The following ZC3H3 variants were observed in gnomAD, a reference collection of about 807,000 sequenced individuals.
The protein encoded by ZC3H3 is zinc finger CCCH-type containing 3.
A neutral mutation model predicts 77.3 loss-of-function variants in ZC3H3; 36 were observed. The ratio of observed to expected loss-of-function variants is 0.47; its 90% CI spans 0.36 to 0.61. The LOEUF (loss-of-function observed/expected upper bound fraction) is 0.61, where lower values mean the gene tolerates loss of function less well. Among genes scored for constraint, ZC3H3 ranks in the 20% least tolerant of loss-of-function variants. The pLI, the probability that ZC3H3 is intolerant of heterozygous loss-of-function variation, is 0.00. For missense variants in ZC3H3, 1,331 were observed against 1,312.2 expected (o/e 1.01, Z -0.22); for synonymous variants, 626 against 555.2 (o/e 1.13, Z -1.79).
At chr8:143,497,158 A>G (rs1467183360) in intron 4 of ZC3H3, among the ~76,000 whole-genome samples, 2 of 152,256 alleles carry the variant, frequency 1.3e-5, no homozygotes, top group Non-Finnish European at 2.9e-5. Flanking sequence ...ATCAAAACAA[A>G]AAGTTATCCC....
chr8:143,442,406 G>T (rs1397717313), intron 9 of ZC3H3, among the ~76,000 whole-genome samples: 5 of 121,412 alleles, frequency 4.1e-5, no homozygotes, highest in East Asian at 2.8e-4. Flanking sequence ...GGGCCGGGGG[G>T]GGTGGGGGGG....
rs757866320 is a variant in ZC3H3, at chr8:143,538,059, G to A, written c.1308C>T (p.Leu436=). 1.2e-6 allele frequency: 2 copies of A among 1,612,714 alleles called. No homozygotes were observed. The highest frequency in any genetic ancestry group is 2.2e-5 in the East Asian group (1 of 44,886). The part of the protein sequence containing the change: ...GLKPLSGETP[L]SAYKVKSRTK... ...TGCGGCTCTTCACTTTGTAAGCCGA[G>A]AGCGGGGTCTCCCCAGAGAGGGGCT... Residue 436 remains leucine, a synonymous_variant, in exon 2 of 12, where the codon CTC becomes CTT. Coordinates refer to ENST00000262577, the MANE Select transcript of ZC3H3 (RefSeq NM_015117.3).
At chr8:143,453,715 C>G (rs527953462) in intron 9 of ZC3H3, among the ~76,000 whole-genome samples, 1 of 152,330 alleles carries the variant, frequency 6.6e-6, no homozygotes, top group African/African-American at 2.4e-5. Flanking sequence ...ACATACCAGA[C>G]TTTCCATCTC....
chr8:143,504,282 G>T (rs539911295), intron 4 of ZC3H3, among the ~76,000 whole-genome samples: 2 of 152,302 alleles, frequency 1.3e-5, no homozygotes, highest in Admixed American at 1.3e-4. Context: ...TCCTCAGGGC[G>T]GTGCAGTCCC....
chr8:143,532,615 G>A (rs575670878), intron 3 of ZC3H3, among the ~76,000 whole-genome samples: 2 of 152,390 alleles, frequency 1.3e-5, no homozygotes, highest in Admixed American at 1.3e-4. Flanking sequence ...GAGGGCTGAA[G>A]GAGGGCCTGG....
chr8:143,510,881 C>T (rs1325750707), intron 3 of ZC3H3, among the ~76,000 whole-genome samples: 1 of 152,240 alleles, frequency 6.6e-6, no homozygotes, highest in African/African-American at 2.4e-5. Context: ...CACATCAAAC[C>T]CCTTGCGCCT....
intron 3 of ZC3H3, among the ~76,000 whole-genome samples, chr8:143,508,981 C>T (rs1821793105): frequency 6.6e-6 from 1 of 152,196 alleles, no homozygotes; most frequent in African/African-American, 2.4e-5. Context: ...CAGGGCCCCT[C>T]CTTGAGGCCG....
chr8:143,459,687 TAATAG>T (rs1172218153), intron 9 of ZC3H3, among the ~76,000 whole-genome samples: 1 of 152,186 alleles, frequency 6.6e-6, no homozygotes, highest in Non-Finnish European at 1.5e-5. Flanking sequence ...CTGACCACCT[TAATAG>T]AATAAAGGAA....
intron 4 of ZC3H3, chr8:143,484,939 C>G (rs865826556): frequency 6.0e-5 from 27 of 446,574 alleles, no homozygotes; most frequent in Middle Eastern, 6.6e-4. Flanking sequence ...CTTGCAAGGA[C>G]AGTGGTATCT....
At chr8:143,489,727 G>A (rs961129812) in intron 4 of ZC3H3, among the ~76,000 whole-genome samples, 7 of 152,176 alleles carry the variant, frequency 4.6e-5, no homozygotes, top group South Asian at 2.1e-4. Flanking sequence ...GGCGTCAGGC[G>A]GTGATTTATT....
chr8:143,479,979 G>GGT (rs1820864629), intron 4 of ZC3H3, among the ~76,000 whole-genome samples: 1 of 152,216 alleles, frequency 6.6e-6, no homozygotes, highest in Non-Finnish European at 1.5e-5. Flanking sequence ...GGGCACCACA[G>GGT]GTGCCCAGAG....
intron 4 of ZC3H3, among the ~76,000 whole-genome samples, chr8:143,502,123 G>C (rs1429544646): frequency 6.6e-6 from 1 of 152,262 alleles, no homozygotes; most frequent in Non-Finnish European, 1.5e-5. Flanking sequence ...AAACCCGGAA[G>C]AAGGCCCTTG....
intron 4 of ZC3H3, among the ~76,000 whole-genome samples, chr8:143,503,553 T>C (rs1403826529): frequency 1.2e-5 from 1 of 82,986 alleles, no homozygotes; most frequent in Non-Finnish European, 2.4e-5. Flanking sequence ...CACCCAGCCA[T>C]CTCCCCAACA....
At chr8:143,526,502 G>A (rs973433352) in intron 3 of ZC3H3, among the ~76,000 whole-genome samples, 1 of 152,216 alleles carries the variant, frequency 6.6e-6, no homozygotes, top group Non-Finnish European at 1.5e-5. Flanking sequence ...TGGTGCAGGG[G>A]GAAACAACCA....
chr8:143,438,920 A>G (rs1379577636), intron 11 of ZC3H3, among the ~76,000 whole-genome samples: 1 of 152,156 alleles, frequency 6.6e-6, no homozygotes, highest in Non-Finnish European at 1.5e-5. Flanking sequence ...TGGCCGCTCC[A>G]GCAGCAGCTC....
chr8:143,518,772 T>C (rs1317978754), intron 3 of ZC3H3, among the ~76,000 whole-genome samples: 1 of 152,242 alleles, frequency 6.6e-6, no homozygotes, highest in Non-Finnish European at 1.5e-5. Flanking sequence ...GTGCTCCCTC[T>C]GGCACATACA....
In ZC3H3 at chr8:143,475,566, G is replaced by A; in HGVS notation, c.1735C>T (p.Leu579=). The change falls in exon 5 of 12, where the codon CTG becomes TTG. Residue 579 remains leucine (L), a synonymous_variant. Transcript: ENST00000262577. ...CCACCCCCGCTGGCAACTGGACGCA[G>A]GCGGTTCAGCACCAGGGACCTGCAG... ...SLSRSLVLNR[L]RPVASGGGKA... 1 of 1,603,900 alleles carries A rather than the reference G, an allele frequency of 6.2e-7. No homozygotes were observed. Among genetic ancestry groups the A allele is most frequent in the South Asian group, 1.1e-5 (1 of 89,668 alleles).
At chr8:143,535,135 C>T (rs1021883132) in intron 3 of ZC3H3, among the ~76,000 whole-genome samples, 4 of 152,052 alleles carry the variant, frequency 2.6e-5, no homozygotes, top group African/African-American at 9.7e-5. Context: ...ACCTCCCAGG[C>T]TCAAGCAATT....
chr8:143,538,861 C>T lies in ZC3H3; in HGVS notation c.506G>A (p.Gly169Glu). 2 of 1,612,482 alleles carry T rather than the reference C, an allele frequency of 1.2e-6. No individual in the cohort carries two copies. Among genetic ancestry groups the T allele is most frequent in the Non-Finnish European group, 1.7e-6 (2 of 1,179,744 alleles). ...TGTTGGCCTCGAGGGCTGCAGCTGT[C>T]CCCGAGGGGGCTCACCTTCACCTTC... ...PREGEGEPPR[G>E]QLQPSRPTRA... The change falls in exon 2 of 12, where the codon GGA becomes GAA. Residue 169 changes from glycine (G) to glutamate (E), a missense_variant. Gly to Glu is a moderately conservative substitution (Grantham distance 98, BLOSUM62 -2). This residue lies in a region of ZC3H3 where 978 missense variants were observed against 915.5 expected (regional missense o/e 1.07). Transcript: ENST00000262577.
Sources: allele counts gnomAD v4.1 joint callset (sites outside exome capture counted in the v4.1 genomes callset), GRCh38; gene constraint gnomAD v4.1.1; regional missense constraint gnomAD v4.1.1; transcripts MANE v1.5; gene names NCBI Gene and HGNC (gene_info 2026-07-23, HGNC 2026-07-21).